The following KCNQ1OT1 variants were observed in gnomAD, a reference collection of about 807,000 sequenced individuals.
KCNQ1OT1 encodes the protein KCNQ1 opposite strand/antisense transcript 1, also known as KCNQ1 antisense RNA 2 (non-protein coding).
chr11:2,618,687 T>C, exon 1 of KCNQ1OT1: 1 of 398,578 alleles, frequency 2.5e-6, no homozygotes, highest in Non-Finnish European at 4.4e-6. Flanking sequence ...TTAAGGTTCT[T>C]GCTATTCCAA....
chr11:2,637,413 T>C (rs1008711746), exon 1 of KCNQ1OT1: 2 of 152,246 alleles, frequency 1.3e-5, no homozygotes, highest in Non-Finnish European at 2.9e-5. Flanking sequence ...AAGAACATCT[T>C]TATTTCTCTG....
exon 1 of KCNQ1OT1, chr11:2,633,829 A>C (rs1849404593): frequency 2.5e-6 from 1 of 398,506 alleles, no homozygotes; most frequent in South Asian, 1.3e-4. Context: ...ATGTATATTC[A>C]AGTCCCAGAG....
exon 1 of KCNQ1OT1, chr11:2,675,093 G>T: frequency 2.5e-6 from 1 of 398,620 alleles, no homozygotes; most frequent in South Asian, 1.3e-4. Context: ...GGCATGTCCT[G>T]AGTGGACAGA....
exon 1 of KCNQ1OT1, chr11:2,665,754 GA>G (rs1850056084): frequency 7.5e-6 from 3 of 398,428 alleles, no homozygotes; most frequent in Non-Finnish European, 1.3e-5. Context: ...CCCAGGCATG[GA>G]GAAGCCCTAG....
At chr11:2,675,932 A>G (rs1013931960) in exon 1 of KCNQ1OT1, 5 of 398,690 alleles carry the variant, frequency 1.3e-5, no homozygotes, top group South Asian at 1.3e-4. Flanking sequence ...CAGTCTTTAC[A>G]CACATGGTAA....
At chr11:2,648,975 C>CTTTTTTTT (rs1849710100) in exon 1 of KCNQ1OT1, 2 of 336,654 alleles carry the variant, frequency 5.9e-6, no homozygotes, top group African/African-American at 6.3e-5. Context: ...TCTCTTTTTT[C>CTTTTTTTT]TTTTTCTTTT....
rs1850288070 is a variant in KCNQ1OT1 at position 2,676,069 on chromosome 11, A to G, written n.23926T>C. 2.5e-6 allele frequency: 1 copy of G among 398,658 alleles called. No individual in the cohort carries two copies. Among genetic ancestry groups the G allele is most frequent in the Non-Finnish European group, 4.4e-6 (1 of 226,070 alleles). 24.7% of individuals were successfully genotyped at this position (398,658 alleles called of 1,614,324 possible). On this transcript the variant is annotated non_coding_transcript_exon_variant, in exon 1 of 1. Transcript: ENST00000597346. The surrounding 1 kb of genome is among the most constrained non-coding windows in gnomAD (Gnocchi z 4.2). ...TTGCATCTTTCCAGACGTATTTTATATAAACAAATATACGTGTGTCTGTGT... is the reference window on the plus strand; with the variant it reads ...TTGCATCTTTCCAGACGTATTTTATGTAAACAAATATACGTGTGTCTGTGT...
chr11:2,666,102 A>C, exon 1 of KCNQ1OT1: 1 of 398,650 alleles, frequency 2.5e-6, no homozygotes, highest in Non-Finnish European at 4.4e-6. Context: ...CAGCCCAGTC[A>C]TGTGGTTTCT....
chr11:2,625,072 C>G (rs1849242216), exon 1 of KCNQ1OT1: 1 of 398,458 alleles, frequency 2.5e-6, no homozygotes, highest in Non-Finnish European at 4.4e-6. Context: ...TTTGAGACTG[C>G]TTTTAATCCT....
At chr11:2,699,787 C>T in exon 1 of KCNQ1OT1, 1 of 397,054 alleles carries the variant, frequency 2.5e-6, no homozygotes. Flanking sequence ...AGGAGAACCG[C>T]GCCGAGGGGC....
chr11:2,683,416 T>C lies in KCNQ1OT1; in HGVS notation n.16579A>G, dbSNP rs1429945992. 1 of 398,518 alleles carries C rather than the reference T, an allele frequency of 2.5e-6. No homozygotes were observed. The highest frequency in any genetic ancestry group is 4.4e-5 in the Admixed American group (1 of 22,714). The allele number at this position is 398,518 out of a possible 1,614,324, so 24.7% of individuals were successfully genotyped here. A position where few individuals can be genotyped will look rare whatever the true frequency, so the allele number is the denominator to read the frequency against. ...GGTGGTTTGTCCAATGGCTAAGCTT[T>C]CCCCAGGAATGGGTAACTGGAAAAA... On this transcript the variant is annotated non_coding_transcript_exon_variant, in exon 1 of 1. Coordinates refer to ENST00000597346, the Ensembl canonical transcript of KCNQ1OT1. The surrounding 1 kb of genome is among the most constrained non-coding windows in gnomAD (Gnocchi z 4.7).
chr11:2,625,440 ATAG>A (rs1849246967), exon 1 of KCNQ1OT1: 2 of 398,456 alleles, frequency 5.0e-6, no homozygotes, highest in Non-Finnish European at 8.8e-6. Context: ...TATTTTTTTA[ATAG>A]TAGTCATCTG....
Position 2,647,628 on chromosome 11 carries a change from G to C in KCNQ1OT1, n.52367C>G. ...TTCAGTAGAAAACCCGTGCAATCCT[G>C]AGGTTTTCTTTACTGGGAGACTTTA... On this transcript the variant is annotated non_coding_transcript_exon_variant, in exon 1 of 1. Coordinates refer to ENST00000597346, the Ensembl canonical transcript of KCNQ1OT1. This position sits in a 1 kb window ranked among gnomAD's most constrained non-coding sequence, Gnocchi z 4.0. 2.5e-6 allele frequency: 1 copy of C among 398,516 alleles called. No homozygotes were observed. Among genetic ancestry groups the C allele is most frequent in the Non-Finnish European group, 4.4e-6 (1 of 226,042 alleles). The allele number at this position is 398,516 out of a possible 1,614,324, so 24.7% of individuals were successfully genotyped here.
Position 2,613,283 on chromosome 11 carries a change from C to G in KCNQ1OT1, n.86712G>C, listed in dbSNP as rs1427681131. 5.0e-6 allele frequency: 2 copies of G among 398,426 alleles called. No homozygotes were observed. Among genetic ancestry groups the G allele is most frequent in the Non-Finnish European group, 8.8e-6 (2 of 226,052 alleles). The allele number at this position is 398,426 out of a possible 1,614,324, so 24.7% of individuals were successfully genotyped here. A position where few individuals can be genotyped will look rare whatever the true frequency, so the allele number is the denominator to read the frequency against. On this transcript the variant is annotated non_coding_transcript_exon_variant, in exon 1 of 1. Transcript: ENST00000597346. This position sits in a 1 kb window ranked among gnomAD's most constrained non-coding sequence, Gnocchi z 4.8. ...AAACCTCTCTGATCTCTCCTGCAAG[C>G]ATGTACAACTTCCATATCTCCAGAA... is the stretch of plus-strand genomic sequence containing the variant.
rs574515047 is a variant in KCNQ1OT1 at position 2,682,953 on chromosome 11, G to T, written n.17042C>A. ...GGTCTGTGTGGAAGAAAGGACAGGA[G>T]TCCTTCTGCCACCCAGACTGTGCAT... On this transcript the variant is annotated non_coding_transcript_exon_variant, in exon 1 of 1. Transcript: ENST00000597346. The surrounding 1 kb of genome is among the most constrained non-coding windows in gnomAD (Gnocchi z 5.8). 7 of 398,586 alleles carry T rather than the reference G, an allele frequency of 1.8e-5. No homozygotes were observed. Among genetic ancestry groups the T allele is most frequent in the Admixed American group, 4.4e-5 (1 of 22,738 alleles). 24.7% of individuals were successfully genotyped at this position (398,586 alleles called of 1,614,324 possible).
At chr11:2,646,928 A>T (rs970117099) in exon 1 of KCNQ1OT1, 2 of 398,538 alleles carry the variant, frequency 5.0e-6, no homozygotes, top group Non-Finnish European at 8.8e-6. Flanking sequence ...AGATTATGCC[A>T]TCTGCAAAGG....
chr11:2,644,479 GT>G, exon 1 of KCNQ1OT1: 1 of 398,106 alleles, frequency 2.5e-6, no homozygotes, highest in Non-Finnish European at 4.4e-6. Context: ...ACCCCGAATT[GT>G]TTTTTCTGAT....
chr11:2,647,598 T>C lies in KCNQ1OT1; in HGVS notation n.52397A>G, dbSNP rs889914543. On this transcript the variant is annotated non_coding_transcript_exon_variant, in exon 1 of 1. Coordinates refer to ENST00000597346, the Ensembl canonical transcript of KCNQ1OT1. This position sits in a 1 kb window ranked among gnomAD's most constrained non-coding sequence, Gnocchi z 4.0. ...TCATGTTAGTTCTTTAAAGGTTTGG[T>C]AGAATTCAGTAGAAAACCCGTGCAA... 13 of 398,450 alleles carry C rather than the reference T, an allele frequency of 3.3e-5. No homozygotes were observed. Among genetic ancestry groups the C allele is most frequent in the Admixed American group, 2.6e-4 (6 of 22,710 alleles). 24.7% of individuals were successfully genotyped at this position (398,450 alleles called of 1,614,324 possible).
chr11:2,634,046 A>G (rs1446489915), exon 1 of KCNQ1OT1: 6 of 398,124 alleles, frequency 1.5e-5, no homozygotes, highest in Non-Finnish European at 1.8e-5. Flanking sequence ...CTGCCTGCTC[A>G]GTATTGTTTG....
Sources: gnomAD v4.1 joint callset for allele counts on GRCh38, gnomAD v4.1.1 for gene constraint, Gnocchi (gnomAD v3.1) non-coding constraint, MANE v1.5 for transcripts, NCBI Gene and HGNC (gene_info 2026-07-23, HGNC 2026-07-21) for gene names.